Variants in RUNX1T1 observed in about 807,000 individuals in gnomAD.
RUNX1T1 encodes protein CBFA2T1.
RUNX1T1 carries 4 observed loss-of-function variants against 62.8 expected under a neutral mutation model. That is an observed-to-expected ratio of 0.06 (90% confidence interval 0.03 to 0.15). The LOEUF is 0.15. Among genes scored for constraint, RUNX1T1 ranks in the 10% least tolerant of loss-of-function variants. The pLI is 1.00. For synonymous variants in RUNX1T1, 291 were observed against 286.0 expected (o/e 1.02, Z -0.18); for missense variants, 508 against 754.3 (o/e 0.67, Z 3.82).
At chr8:92,089,507 G>A (rs1390012938) in intron 1 of RUNX1T1, among the ~76,000 whole-genome samples, 2 of 152,044 alleles carry the variant, frequency 1.3e-5, no homozygotes, top group African/African-American at 4.8e-5. Context: ...AGTGAAGCGA[G>A]TCCAAACTTT....
intron 1 of RUNX1T1, among the ~76,000 whole-genome samples, chr8:92,029,215 G>T (rs1825798879): frequency 6.6e-6 from 1 of 152,138 alleles, no homozygotes; most frequent in African/African-American, 2.4e-5. Context: ...TGTTAGTTTA[G>T]TCTTTACATT....
chr8:92,098,750 T>C (rs1045880445), intron 1 of RUNX1T1, among the ~76,000 whole-genome samples: 5 of 152,196 alleles, frequency 3.3e-5, no homozygotes, highest in African/African-American at 1.2e-4. Flanking sequence ...TCGAATTTCA[T>C]TTCTTTGGCC....
upstream of RUNX1T1, among the ~76,000 whole-genome samples, chr8:92,067,315 C>G (rs557631546): frequency 6.6e-6 from 1 of 152,294 alleles, no homozygotes; most frequent in South Asian, 2.1e-4. Flanking sequence ...GGAGGACATG[C>G]TGTAGGTCTG....
At chr8:92,075,132 TAGTC>T (rs1281012547) in intron 2 of RUNX1T1, among the ~76,000 whole-genome samples, 6 of 152,202 alleles carry the variant, frequency 3.9e-5, no homozygotes, top group East Asian at 1.9e-4. Flanking sequence ...TCTTTCTACG[TAGTC>T]AGTCAGTCAG....
rs1405432738 is a variant in RUNX1T1, at chr8:91,959,488, G to GTGTA, written c.*753_*754insTACA. 36 of 86,630 alleles carry GTGTA rather than the reference G, an allele frequency of 4.2e-4. 1 individual carries two copies. The highest frequency in any genetic ancestry group is 1.6e-3 in the African/African-American group (33 of 20,012). 5.4% of individuals were successfully genotyped at this position (86,630 alleles called of 1,614,324 possible). ...TGTGTATATGTGCGTGTGTGTGTGT[G>GTGTA]TATATATATATATATATATATATAT... On this transcript the variant is annotated 3_prime_UTR_variant, in exon 11 of 11. Coordinates refer to ENST00000396218, the Ensembl canonical transcript of RUNX1T1.
chr8:92,071,019 A>C (rs1228821730), intron 2 of RUNX1T1, among the ~76,000 whole-genome samples: 1 of 152,140 alleles, frequency 6.6e-6, no homozygotes, highest in African/African-American at 2.4e-5. Flanking sequence ...TATTCATGGG[A>C]TCTCCCAAAT....
At chr8:91,960,334 C>G (rs760717058) in exon 11 of RUNX1T1, 6 of 1,613,050 alleles carry the variant, frequency 3.7e-6, no homozygotes, top group Non-Finnish European at 5.1e-6. Flanking sequence ...CTCCCAGCCC[C>G]GCTGTTGGGC....
intron 5 of RUNX1T1, among the ~76,000 whole-genome samples, chr8:92,002,432 TG>T (rs1318356655): frequency 1.3e-5 from 2 of 152,046 alleles, no homozygotes; most frequent in Non-Finnish European, 2.9e-5. Flanking sequence ...ACATAACCAG[TG>T]ACAATCATAT....
intron 1 of RUNX1T1, among the ~76,000 whole-genome samples, chr8:92,087,926 A>T (rs1836382298): frequency 6.6e-6 from 1 of 152,214 alleles, no homozygotes; most frequent in African/African-American, 2.4e-5. Context: ...ACATCAATGG[A>T]GACTGATCAC....
rs1314432883 is a variant in RUNX1T1 at position 91,959,466 on chromosome 8, GTATATGTGCGTGTGTGTGTGTGTA to G, written c.*752_*775del. ...TGTGTGTGTGTGTGTGTGTGTGTGT[GTATATGTGCGTGTGTGTGTGTGTA>G]TATATATATATATATATATATATAT... is the stretch of plus-strand genomic sequence containing the variant. On this transcript the variant is annotated 3_prime_UTR_variant, in exon 11 of 11. Coordinates refer to ENST00000396218, the Ensembl canonical transcript of RUNX1T1. The G allele has an allele frequency of 1.8e-4, 16 of 89,294 alleles. 1 individual carries two copies. In the South Asian group the frequency reaches 2.9e-3, roughly 16 times the overall value. 5.5% of individuals were successfully genotyped at this position (89,294 alleles called of 1,614,324 possible).
Position 91,971,115 on chromosome 8 carries a change from G to A in RUNX1T1, c.1268-267C>T, listed in dbSNP as rs1395313018. Reference sequence around the variant, plus strand: ...TCCAAATTATTGGGCAGTTCCAGCAGTCTAAAAACTAGCAGATCTTTTGAC... The same window carrying A: ...TCCAAATTATTGGGCAGTTCCAGCAATCTAAAAACTAGCAGATCTTTTGAC... On this transcript the variant is annotated intron_variant, in intron 9 of 10. Coordinates refer to ENST00000396218, the Ensembl canonical transcript of RUNX1T1. 8.5e-6 allele frequency: 3 copies of A among 352,026 alleles called. No individual in the cohort carries two copies. In the Admixed American group the frequency reaches 1.4e-4, roughly 16 times the overall value. 21.8% of individuals were successfully genotyped at this position (352,026 alleles called of 1,614,324 possible).
chr8:92,036,343 A>AT (rs1417352002), intron 1 of RUNX1T1, among the ~76,000 whole-genome samples: 5 of 152,222 alleles, frequency 3.3e-5, no homozygotes, highest in Non-Finnish European at 7.3e-5. Flanking sequence ...AGTGTTCTCA[A>AT]TTTTCTAAGT....
rs572961883 is a variant in RUNX1T1 at position 92,019,842 on chromosome 8, T to C, written c.8-2479A>G. On this transcript the variant is annotated intron_variant, in intron 1 of 10. Coordinates refer to ENST00000396218, the Ensembl canonical transcript of RUNX1T1. Reference sequence around the variant, plus strand: ...TCTGAATATTGTCTTGGTCCACACTTGTAACGACTCCTATCCAGAACAGCA... The same window carrying C: ...TCTGAATATTGTCTTGGTCCACACTCGTAACGACTCCTATCCAGAACAGCA... Among the ~76,000 whole-genome samples the C allele has an allele frequency of 3.5e-5, 5 of 142,426 alleles. No individual in the cohort carries two copies. The South Asian group carries it at 1.1e-3, about 31-fold the overall frequency. The allele number at this position is 142,426 out of a possible 152,430, so 93.4% of individuals were successfully genotyped here.
chr8:92,064,965 A>G (rs1372614164), upstream of RUNX1T1, among the ~76,000 whole-genome samples: 1 of 152,150 alleles, frequency 6.6e-6, no homozygotes, highest in Non-Finnish European at 1.5e-5. Context: ...GGAGATTCTC[A>G]CCTAGAAGTC....
intron 10 of RUNX1T1, among the ~76,000 whole-genome samples, chr8:91,966,087 G>A (rs747054912): frequency 3.4e-5 from 5 of 147,310 alleles, no homozygotes; most frequent in Admixed American, 1.4e-4. Context: ...GAACATCTAC[G>A]GAATCAAACA....
At chr8:91,974,813 C>T (rs1430896328) in intron 9 of RUNX1T1, among the ~76,000 whole-genome samples, 1 of 152,130 alleles carries the variant, frequency 6.6e-6, no homozygotes, top group African/African-American at 2.4e-5. Context: ...ACCTAGAATG[C>T]TATCAGATTT....
chr8:92,023,151 C>T (rs1824443108), intron 1 of RUNX1T1, among the ~76,000 whole-genome samples: 1 of 152,190 alleles, frequency 6.6e-6, no homozygotes, highest in Non-Finnish European at 1.5e-5. Context: ...ACTTTCTAAA[C>T]AGGGACCCAG....
In RUNX1T1 at chr8:91,975,485, G is replaced by GTT. The variant is rs753923268; in HGVS notation, c.1267+418_1267+419dup. On this transcript the variant is annotated intron_variant, in intron 9 of 10. Transcript: ENST00000396218. ...GTCAACTAGATTTGATGTTGGTTTC[G>GTT]TTTTTTTTTTTTTTGGATGCAGGAG... 9.0e-4 allele frequency among the ~76,000 whole-genome samples: 122 copies of GTT among 135,166 alleles called. 2 individuals carry two copies. The Middle Eastern group carries it at 0.012, about 13-fold the overall frequency. 88.7% of individuals were successfully genotyped at this position (135,166 alleles called of 152,430 possible).
chr8:92,081,810 T>C lies in RUNX1T1; in HGVS notation c.-85-5673A>G, dbSNP rs149447679. On this transcript the variant is annotated intron_variant, in intron 1 of 11. Transcript: ENST00000265814. ...TCCTATCAACTGATCTCTCTCTCTC[T>C]TTTTCCCCCTTTCCTCTCTTCCTCC... 4.6e-3 allele frequency among the ~76,000 whole-genome samples: 693 copies of C among 152,252 alleles called. 8 individuals are homozygous for C. Among genetic ancestry groups the C allele is most frequent in the African/African-American group, 0.015 (642 of 41,546 alleles).
Sources: gnomAD v4.1 joint callset for allele counts (sites outside exome capture counted in the v4.1 genomes callset) on GRCh38, gnomAD v4.1.1 for gene constraint, MANE v1.5 for transcripts, NCBI Gene and HGNC (gene_info 2026-07-23, HGNC 2026-07-21) for gene names.